Variants in NCK1 observed in about 807,000 individuals in gnomAD.
NCK1 encodes the protein NCK adaptor protein 1, also known as SH2/SH3 adapter protein NCK1.
In NCK1, 19 loss-of-function variants were observed where a neutral mutation model predicts 36.6. That is an observed-to-expected ratio of 0.52 (90% CI 0.36 to 0.76). The LOEUF (loss-of-function observed/expected upper bound fraction) is 0.76, where lower values mean the gene tolerates loss of function less well. NCK1 is among the 30% of genes least tolerant of loss of function. NCK1 has a pLI of 0.00. For synonymous variants in NCK1, 165 were observed against 156.0 expected, an observed-to-expected ratio of 1.06 and a Z score of -0.43; for missense variants, 358 against 445.6, an observed-to-expected ratio of 0.80 and a Z score of 1.77.
intron 1 of NCK1, among the ~76,000 whole-genome samples, chr3:136,927,413 G>A (rs1478248710): frequency 6.6e-6 from 1 of 152,214 alleles, no homozygotes; most frequent in South Asian, 2.1e-4. Context: ...TTTAGATATT[G>A]TAATTGAGTA....
At chr3:136,899,902 TTTC>T in intron 1 of NCK1, 2 of 982,620 alleles carry the variant, frequency 2.0e-6, no homozygotes, top group Non-Finnish European at 3.3e-6. Context: ...TCTAGTGGGA[TTTC>T]TTCTTTCTGG....
chr3:136,863,764 G>A (rs993539882), intron 1 of NCK1, among the ~76,000 whole-genome samples: 4 of 152,044 alleles, frequency 2.6e-5, no homozygotes, highest in African/African-American at 4.8e-5. Flanking sequence ...GTGCTTTCAG[G>A]TCCATCTAAA....
chr3:136,899,795 T>G (rs1237340182), intron 1 of NCK1: 2 of 1,463,626 alleles, frequency 1.4e-6, no homozygotes, highest in East Asian at 4.5e-5. Context: ...TGGTGACTGT[T>G]GAAAGTTCCT....
chr3:136,940,205 A>G (rs923088127), intron 2 of NCK1, among the ~76,000 whole-genome samples: 4 of 152,134 alleles, frequency 2.6e-5, no homozygotes, highest in Admixed American at 1.3e-4. Flanking sequence ...TCTATCTTGC[A>G]GAATATTCCA....
chr3:136,871,868 CT>C (rs1938630597), intron 1 of NCK1, among the ~76,000 whole-genome samples: 1 of 152,190 alleles, frequency 6.6e-6, no homozygotes, highest in Non-Finnish European at 1.5e-5. Context: ...ACTCTCTTCT[CT>C]TATCTGCCGC....
chr3:136,880,158 GC>G (rs1461167624), intron 1 of NCK1, among the ~76,000 whole-genome samples: 2 of 151,796 alleles, frequency 1.3e-5, no homozygotes, highest in African/African-American at 4.8e-5. Context: ...GGTGGTGGGC[GC>G]CTGTAGTCCC....
intron 1 of NCK1, among the ~76,000 whole-genome samples, chr3:136,867,076 C>T (rs1300706526): frequency 9.0e-4 from 1 of 1,116 alleles, no homozygotes; most frequent in Non-Finnish European, 2.9e-3. Context: ...TTCTTTCTTT[C>T]TTTCTTTCTT....
intron 1 of NCK1, among the ~76,000 whole-genome samples, chr3:136,888,054 C>G (rs752250255): frequency 2.0e-5 from 3 of 151,836 alleles, no homozygotes; most frequent in Non-Finnish European, 4.4e-5. Flanking sequence ...AAGCTATTCT[C>G]CTGCCTCAGC....
intron 1 of NCK1, among the ~76,000 whole-genome samples, chr3:136,887,748 A>T (rs1939110404): frequency 6.6e-6 from 1 of 152,140 alleles, no homozygotes; most frequent in African/African-American, 2.4e-5. Flanking sequence ...CAGGCACTGT[A>T]CTGTTTTACC....
intron 1 of NCK1, among the ~76,000 whole-genome samples, chr3:136,869,836 T>G (rs1387332969): frequency 1.3e-5 from 2 of 152,170 alleles, no homozygotes; most frequent in South Asian, 2.1e-4. Context: ...TTCTATTTGT[T>G]TAAATTATCA....
At chr3:136,912,805 C>G (rs755280574) in intron 1 of NCK1, among the ~76,000 whole-genome samples, 3 of 151,966 alleles carry the variant, frequency 2.0e-5, no homozygotes, top group Non-Finnish European at 2.9e-5. Flanking sequence ...ACTTGCGCTG[C>G]TGTGCTTGGC....
chr3:136,906,349 A>T (rs938664549), intron 1 of NCK1, among the ~76,000 whole-genome samples: 1 of 151,710 alleles, frequency 6.6e-6, no homozygotes, highest in African/African-American at 2.4e-5. Flanking sequence ...AGCTCAAGTG[A>T]TCCTCCCGCC....
At chr3:136,936,300 C>T (rs1940529537) in intron 2 of NCK1, among the ~76,000 whole-genome samples, 1 of 152,174 alleles carries the variant, frequency 6.6e-6, no homozygotes, top group African/African-American at 2.4e-5. Flanking sequence ...CTCGGCCTCC[C>T]AAAGTGCTGG....
intron 2 of NCK1, among the ~76,000 whole-genome samples, chr3:136,929,910 C>T (rs897969963): frequency 6.6e-6 from 1 of 152,104 alleles, no homozygotes; most frequent in African/African-American, 2.4e-5. Context: ...GGATGCATTC[C>T]GTACTACAGT....
chr3:136,900,391 A>T (rs554093925), intron 1 of NCK1, among the ~76,000 whole-genome samples: 1 of 152,148 alleles, frequency 6.6e-6, no homozygotes, highest in Admixed American at 6.5e-5. Context: ...TTTGCTTAAG[A>T]TTGTTTTGGT....
chr3:136,903,354 G>GT (rs1939596774), intron 1 of NCK1, among the ~76,000 whole-genome samples: 1 of 152,218 alleles, frequency 6.6e-6, no homozygotes, highest in East Asian at 1.9e-4. Flanking sequence ...GGTGAGATGA[G>GT]TTTATTGTAG....
At chr3:136,890,037 G>T (rs545893137) in intron 1 of NCK1, among the ~76,000 whole-genome samples, 1 of 152,186 alleles carries the variant, frequency 6.6e-6, no homozygotes. Flanking sequence ...GGGATTGGGC[G>T]CCCTGGAGCA....
intron 1 of NCK1, chr3:136,900,015 C>A (rs1262933983): frequency 1.6e-6 from 1 of 643,036 alleles, no homozygotes; most frequent in East Asian, 2.8e-5. Context: ...ATCATCATCA[C>A]TGTCAGAGTC....
intron 1 of NCK1, among the ~76,000 whole-genome samples, chr3:136,890,411 C>T (rs1284587475): frequency 6.6e-6 from 1 of 152,184 alleles, no homozygotes; most frequent in Non-Finnish European, 1.5e-5. Flanking sequence ...GCTGAGGGAG[C>T]AGGCTCTGCC....
Sources: gnomAD v4.1 joint callset for allele counts (sites outside exome capture counted in the v4.1 genomes callset) on GRCh38, gnomAD v4.1.1 for gene constraint, MANE v1.5 for transcripts, NCBI Gene and HGNC (gene_info 2026-07-23, HGNC 2026-07-21) for gene names.